Variants in MYO9B observed in about 807,000 individuals in gnomAD.
The protein encoded by MYO9B is unconventional myosin-IXb.
Under a neutral mutation model 229.5 loss-of-function variants are expected in MYO9B, and 71 were observed. The ratio of observed to expected loss-of-function variants is 0.31; its 90% CI spans 0.26 to 0.38. MYO9B has a LOEUF of 0.38. Among genes scored for constraint, MYO9B ranks in the 10% least tolerant of loss-of-function variants. The pLI is 1.00. For synonymous variants in MYO9B, 1,185 were observed against 1,235.8 expected, an observed-to-expected ratio of 0.96 and a Z score of 0.86; for missense variants, 2,255 against 2,920.5, an observed-to-expected ratio of 0.77 and a Z score of 5.25.
chr19:17,108,659 T>C (rs992714344), intron 2 of MYO9B, among the ~76,000 whole-genome samples: 4 of 152,212 alleles, frequency 2.6e-5, no homozygotes, highest in South Asian at 2.1e-4. Context: ...TTGCAGCCAC[T>C]GAGCTTTTAG....
intron 9 of MYO9B, 25 bp from the exon 10 acceptor site, chr19:17,162,963 T>C (rs1309637026): frequency 1.2e-6 from 2 of 1,603,888 alleles, no homozygotes; most frequent in Non-Finnish European, 8.5e-7. Flanking sequence ...CTGCGGGCAG[T>C]GACCATTTTC....
intron 2 of MYO9B, among the ~76,000 whole-genome samples, chr19:17,111,183 G>A (rs1039961726): frequency 6.6e-6 from 1 of 152,144 alleles, no homozygotes; most frequent in Non-Finnish European, 1.5e-5. Flanking sequence ...CATCTCATAC[G>A]TCCTCACCAC....
At chr19:17,183,113 G>A (rs2072879800) in intron 15 of MYO9B, among the ~76,000 whole-genome samples, 1 of 152,006 alleles carries the variant, frequency 6.6e-6, no homozygotes. Context: ...GTAGAGACAG[G>A]GTTTCACCAT....
chr19:17,174,178 C>T (rs531806401), intron 13 of MYO9B, among the ~76,000 whole-genome samples: 6 of 151,994 alleles, frequency 3.9e-5, no homozygotes, highest in East Asian at 3.9e-4. Flanking sequence ...TACAGGCACC[C>T]GCCACCACGC....
chr19:17,158,867 A>G (rs1316485377), intron 7 of MYO9B, among the ~76,000 whole-genome samples: 1 of 152,218 alleles, frequency 6.6e-6, no homozygotes, highest in East Asian at 1.9e-4. Context: ...AGCCCGTGCT[A>G]TGTGGGAATT....
intron 1 of MYO9B, among the ~76,000 whole-genome samples, chr19:17,089,752 C>T (rs960401365): frequency 4.6e-5 from 7 of 152,054 alleles, no homozygotes; most frequent in South Asian, 2.1e-4. Flanking sequence ...CTTTTTGCAC[C>T]GCTCCGTTTT....
intron 2 of MYO9B, among the ~76,000 whole-genome samples, chr19:17,123,424 TTGTGTGTGTGTGTGTG>T (rs3222984): frequency 2.0e-5 from 3 of 146,818 alleles, no homozygotes; most frequent in South Asian, 2.2e-4. Context: ...CAGTAGAAAT[TTGTGTGTGTGTGTGTG>T]TGTGTGTGTG....
chr19:17,079,698 G>A lies in MYO9B; in HGVS notation c.-59+3824G>A, dbSNP rs533439515. On this transcript the variant is annotated intron_variant, in intron 1 of 39. Coordinates refer to ENST00000682292, the MANE Select transcript of MYO9B (RefSeq NM_004145.4). ...TTGCTGCTTTACCTTGATTGGAGGA[G>A]ACGCTCTGGGGCCACGGGACTGACG... is the stretch of plus-strand genomic sequence containing the variant. Among the ~76,000 whole-genome samples, 122 of 152,238 alleles carry A rather than the reference G, an allele frequency of 8.0e-4. 3 individuals carry two copies. The South Asian group carries it at 0.02, about 24-fold the overall frequency.
At chr19:17,119,683 G>A (rs1309756426) in intron 2 of MYO9B, among the ~76,000 whole-genome samples, 2 of 152,150 alleles carry the variant, frequency 1.3e-5, no homozygotes, top group Non-Finnish European at 1.5e-5. Context: ...ACAGAGTCTC[G>A]TTCTGTCACC....
intron 2 of MYO9B, among the ~76,000 whole-genome samples, chr19:17,141,449 C>T (rs562069070): frequency 6.6e-6 from 1 of 152,322 alleles, no homozygotes; most frequent in South Asian, 2.1e-4. Flanking sequence ...ACCTCTTCCC[C>T]AAACCTAGCG....
intron 3 of MYO9B, among the ~76,000 whole-genome samples, chr19:17,151,592 C>T (rs1022917675): frequency 3.9e-5 from 6 of 152,196 alleles, no homozygotes; most frequent in Admixed American, 3.9e-4. Context: ...AGATGTTCAG[C>T]ATCATTGGTC....
chr19:17,082,957 G>A (rs1273143621), intron 1 of MYO9B, among the ~76,000 whole-genome samples: 1 of 151,954 alleles, frequency 6.6e-6, no homozygotes, highest in African/African-American at 2.4e-5. Flanking sequence ...AGTGAGCGTG[G>A]GGTTGGAACC....
chr19:17,076,772 G>A (rs576384138), intron 1 of MYO9B, among the ~76,000 whole-genome samples: 7 of 152,186 alleles, frequency 4.6e-5, no homozygotes, highest in Non-Finnish European at 1.0e-4. Flanking sequence ...AGGGCCGGTT[G>A]TGGGGCCGGA....
At chr19:17,153,756 C>A (rs1362579563) in intron 4 of MYO9B, among the ~76,000 whole-genome samples, 5 of 151,722 alleles carry the variant, frequency 3.3e-5, no homozygotes, top group African/African-American at 1.2e-4. Flanking sequence ...GAGATGTACA[C>A]CCACCCACCT....
At chr19:17,102,659 G>C in intron 2 of MYO9B, 102 bp downstream of exon 2, 1 of 1,417,510 alleles carries the variant, frequency 7.1e-7, no homozygotes, top group Non-Finnish European at 9.3e-7. Flanking sequence ...CCAATGCTTT[G>C]GAAGGCTGAG....
rs535366997 is a variant in MYO9B, at chr19:17,208,677, G to A, written c.5625-909G>A. Among the ~76,000 whole-genome samples, 282 of 152,242 alleles carry A rather than the reference G, an allele frequency of 1.9e-3. 1 individual carries two copies. Among genetic ancestry groups the A allele is most frequent in the African/African-American group, 6.6e-3 (276 of 41,550 alleles). ...CGATCTCCTGACCTTGTGATCCGCC[G>A]TGAGCCACCGCTTCCAGCCTAAAAC... On this transcript the variant is annotated intron_variant, in intron 35 of 39. Transcript: ENST00000682292.
At chr19:17,197,170 G>A (rs149178161) in intron 22 of MYO9B, among the ~76,000 whole-genome samples, 38 of 151,904 alleles carry the variant, frequency 2.5e-4, no homozygotes, top group African/African-American at 8.7e-4. Context: ...CCAGCTACTC[G>A]GGAGGCTGAG....
At chr19:17,211,619 T>G (rs777583036) in intron 38 of MYO9B, 28 bp from the exon 39 acceptor site, 2 of 1,567,352 alleles carry the variant, frequency 1.3e-6, no homozygotes, top group Admixed American at 3.8e-5. Flanking sequence ...TGGGGTGGCC[T>G]TGGACACCAC....
chr19:17,179,682 C>T (rs1471043178), intron 14 of MYO9B, among the ~76,000 whole-genome samples: 1 of 151,842 alleles, frequency 6.6e-6, no homozygotes, highest in Non-Finnish European at 1.5e-5. Flanking sequence ...CCTGCTCAGC[C>T]TCCGAAAGTG....
Sources: allele counts gnomAD v4.1 joint callset (sites outside exome capture counted in the v4.1 genomes callset), GRCh38; gene constraint gnomAD v4.1.1; transcripts MANE v1.5; gene names NCBI Gene and HGNC (gene_info 2026-07-23, HGNC 2026-07-21).